ANKS1A: variants seen among roughly 807,000 people sequenced by gnomAD.
ANKS1A encodes the protein ankyrin repeat and sterile alpha motif domain containing 1A.
Under a neutral mutation model 120.3 loss-of-function variants are expected in ANKS1A, and 55 were observed. The ratio of observed to expected loss-of-function variants is 0.46; its 90% CI spans 0.37 to 0.57. The LOEUF is 0.57. Ranked by LOEUF, ANKS1A falls within the 20% of genes least tolerant of loss-of-function variation. The pLI, the probability that ANKS1A is intolerant of heterozygous loss-of-function variation, is 0.00. For synonymous variants in ANKS1A, 590 were observed against 604.7 expected (o/e 0.98, Z 0.36); for missense variants, 1,123 against 1,480.3 (o/e 0.76, Z 3.96).
At chr6:34,938,378 C>T (rs1460638686) in intron 1 of ANKS1A, among the ~76,000 whole-genome samples, 2 of 152,182 alleles carry the variant, frequency 1.3e-5, no homozygotes, top group East Asian at 3.8e-4. Context: ...TGAAATTGCT[C>T]TGTAGAAAAG....
the ANKS1A span, among the ~76,000 whole-genome samples, chr6:35,097,200 A>AG: frequency 1.3e-5 from 2 of 152,220 alleles, no homozygotes. Flanking sequence ...ATAGTCTACA[A>AG]GAAAAAGAAC....
intron 9 of ANKS1A, among the ~76,000 whole-genome samples, chr6:34,993,254 G>A (rs1772671404): frequency 6.6e-6 from 1 of 152,344 alleles, no homozygotes; most frequent in African/African-American, 2.4e-5. Context: ...ATCCTCTAAA[G>A]CAAGGACATC....
At position 35,084,064 on chromosome 6, in the gene ANKS1A, G is replaced by C; in HGVS notation, c.2995-57G>C. 5.0e-6 allele frequency: 8 copies of C among 1,604,830 alleles called. No individual in the cohort carries two copies. Among genetic ancestry groups the C allele is most frequent in the Non-Finnish European group, 6.8e-6 (8 of 1,174,338 alleles). ...TGACAATGGTAACAGGCTGGGGCAG[G>C]GGGTGCCAGAGGCATGCCTGAGCCT... is the stretch of plus-strand genomic sequence containing the variant. On this transcript the variant is annotated intron_variant, in intron 20 of 23. Coordinates refer to ENST00000360359, the MANE Select transcript of ANKS1A (RefSeq NM_015245.3). The surrounding 1 kb of genome is among the most constrained non-coding windows in gnomAD (Gnocchi z 4.8).
chr6:34,929,846 T>C (rs1366985962), intron 1 of ANKS1A, among the ~76,000 whole-genome samples: 1 of 150,418 alleles, frequency 6.6e-6, no homozygotes, highest in African/African-American at 2.5e-5. Flanking sequence ...TCTCTTTCTT[T>C]CTCTTTCTCT....
intron 1 of ANKS1A, among the ~76,000 whole-genome samples, chr6:34,965,770 G>A (rs1309850758): frequency 6.7e-6 from 1 of 148,314 alleles, no homozygotes; most frequent in Admixed American, 6.7e-5. Flanking sequence ...TTTTTGAAAT[G>A]GAGTTTCTCT....
At chr6:34,969,704 G>A (rs1260596599) in intron 2 of ANKS1A, among the ~76,000 whole-genome samples, 1 of 152,178 alleles carries the variant, frequency 6.6e-6, no homozygotes, top group Non-Finnish European at 1.5e-5. Context: ...TGATAAACAA[G>A]GAAACAGGTT....
intron 10 of ANKS1A, among the ~76,000 whole-genome samples, chr6:35,007,917 T>C (rs1353004263): frequency 6.6e-6 from 1 of 152,234 alleles, no homozygotes; most frequent in Non-Finnish European, 1.5e-5. Context: ...AGAGTACCAA[T>C]TCCTTAGCCT....
At position 34,954,463 on chromosome 6, in the gene ANKS1A, T is replaced by C. The variant is rs533425545; in HGVS notation, c.198-12776T>C. 2.1e-3 allele frequency among the ~76,000 whole-genome samples: 313 copies of C among 152,300 alleles called. 2 individuals are homozygous for C. The highest frequency in any genetic ancestry group is 7.2e-3 in the African/African-American group (298 of 41,550). The stretch of plus-strand genomic sequence containing the variant: ...AGCAACATTGGATATAACTGCTATG[T>C]TTATCCTGAAGATAACTGTCCTTGG... On this transcript the variant is annotated intron_variant, in intron 1 of 23. Coordinates refer to ENST00000360359, the MANE Select transcript of ANKS1A (RefSeq NM_015245.3).
intron 1 of ANKS1A, among the ~76,000 whole-genome samples, chr6:34,937,255 G>A (rs1422727814): frequency 1.3e-5 from 2 of 151,906 alleles, no homozygotes; most frequent in African/African-American, 4.8e-5. Flanking sequence ...CGGATCACTT[G>A]AACTCAGGAG....
chr6:34,893,927 GA>G (rs918816222), intron 1 of ANKS1A, among the ~76,000 whole-genome samples: 83 of 151,672 alleles, frequency 5.5e-4, no homozygotes, highest in Middle Eastern at 3.4e-3. Flanking sequence ...AGTGAAAGAA[GA>G]AAAAAAATAT....
chr6:35,039,692 T>G (rs1358209318), intron 11 of ANKS1A: 12 of 452,864 alleles, frequency 2.6e-5, no homozygotes, highest in Non-Finnish European at 5.3e-5. Context: ...GGCAAGTGTG[T>G]GTTTCTGCCC....
chr6:35,078,494 AC>A, intron 13 of ANKS1A, 63 bp from the exon 14 acceptor site: 1 of 1,479,882 alleles, frequency 6.8e-7, no homozygotes. Flanking sequence ...GGCCCACCTG[AC>A]CCCCTCAGGG....
At chr6:34,896,396 T>G (rs900868140) in intron 1 of ANKS1A, among the ~76,000 whole-genome samples, 1 of 152,082 alleles carries the variant, frequency 6.6e-6, no homozygotes, top group African/African-American at 2.4e-5. Flanking sequence ...AATACTCCCT[T>G]TAAGTGTGAT....
At chr6:34,932,349 C>T (rs1769027386) in intron 1 of ANKS1A, among the ~76,000 whole-genome samples, 1 of 152,132 alleles carries the variant, frequency 6.6e-6, no homozygotes, top group Admixed American at 6.5e-5. Flanking sequence ...CCGCCCCTGG[C>T]TATTTATATT....
At chr6:34,909,321 G>C (rs1019575795) in intron 1 of ANKS1A, among the ~76,000 whole-genome samples, 3 of 152,142 alleles carry the variant, frequency 2.0e-5, no homozygotes, top group Non-Finnish European at 2.9e-5. Flanking sequence ...CCATGTCATT[G>C]ATGCCAAAGT....
intron 2 of ANKS1A, 123 bp downstream of exon 2, chr6:34,967,442 C>T (rs1770952546): frequency 2.5e-6 from 2 of 813,632 alleles, no homozygotes; most frequent in Admixed American, 3.0e-5. Flanking sequence ...AATCCCAGCA[C>T]TTTGGGAGGC....
chr6:35,044,308 G>GCAGA lies in ANKS1A; in HGVS notation c.2011-9791_2011-9790insCAGA, dbSNP rs1173260604. ...ATAACAGGTTTGCCAGGTAGGTGTC[G>GCAGA]TTATCCCTGTTACAGATGACCAAGC... On this transcript the variant is annotated intron_variant, in intron 11 of 23. Coordinates refer to ENST00000360359, the MANE Select transcript of ANKS1A (RefSeq NM_015245.3). This position sits in a 1 kb window ranked among gnomAD's most constrained non-coding sequence, Gnocchi z 4.4. Among the ~76,000 whole-genome samples the GCAGA allele has an allele frequency of 6.6e-6, 1 of 152,210 alleles. No individual in the cohort carries two copies. The highest frequency in any genetic ancestry group is 1.5e-5 in the Non-Finnish European group (1 of 68,040).
intron 14 of ANKS1A, among the ~76,000 whole-genome samples, chr6:35,079,312 C>T (rs899641830): frequency 8.5e-5 from 13 of 152,266 alleles, no homozygotes; most frequent in African/African-American, 2.6e-4. Flanking sequence ...GGTGCTCCAG[C>T]GGCTCCTGCC....
intron 1 of ANKS1A, among the ~76,000 whole-genome samples, chr6:34,922,697 T>TTC (rs983513920): frequency 3.4e-5 from 5 of 148,856 alleles, no homozygotes; most frequent in South Asian, 4.3e-4. Flanking sequence ...GGCATTTCTT[T>TTC]TTTTTTTTTT....
Sources: allele counts gnomAD v4.1 joint callset (sites outside exome capture counted in the v4.1 genomes callset), GRCh38; gene constraint gnomAD v4.1.1; non-coding constraint Gnocchi (gnomAD v3.1); transcripts MANE v1.5; gene names NCBI Gene and HGNC (gene_info 2026-07-23, HGNC 2026-07-21).